Variants in SRGAP1 observed in about 807,000 individuals in gnomAD.
The protein encoded by SRGAP1 is SLIT-ROBO Rho GTPase-activating protein 1.
SRGAP1 carries 43 observed loss-of-function variants against 121.9 expected under a neutral mutation model. The observed-to-expected ratio is 0.35, with a 90% CI of 0.28 to 0.46. The LOEUF is 0.46. Among genes scored for constraint, SRGAP1 ranks in the 20% least tolerant of loss-of-function variants. SRGAP1 has a pLI of 1.00. For missense variants in SRGAP1, 1,102 were observed against 1,350.9 expected (o/e 0.82, Z 2.89); for synonymous variants, 447 against 485.4 (o/e 0.92, Z 1.04).
intron 1 of SRGAP1, among the ~76,000 whole-genome samples, chr12:63,894,980 T>C (rs1211504082): frequency 6.6e-6 from 1 of 152,206 alleles, no homozygotes; most frequent in African/African-American, 2.4e-5. Flanking sequence ...TATAATCCTT[T>C]GGGTCTATAC....
intron 1 of SRGAP1, among the ~76,000 whole-genome samples, chr12:63,874,673 A>G (rs953725550): frequency 2.0e-5 from 3 of 152,090 alleles, no homozygotes; most frequent in African/African-American, 7.2e-5. Context: ...TTATGTGTTT[A>G]TTTTCCAAAT....
chr12:63,914,576 C>T (rs1025075282), intron 1 of SRGAP1, among the ~76,000 whole-genome samples: 7 of 152,158 alleles, frequency 4.6e-5, no homozygotes, highest in East Asian at 3.8e-4. Flanking sequence ...GTATGAATTA[C>T]TTGTACCAAT....
At chr12:63,986,351 T>C (rs2033414034) in intron 2 of SRGAP1, among the ~76,000 whole-genome samples, 1 of 152,196 alleles carries the variant, frequency 6.6e-6, no homozygotes, top group African/African-American at 2.4e-5. Flanking sequence ...GCCAGTACTG[T>C]ATTCACATAG....
chr12:64,093,355 T>C (rs919129467), intron 12 of SRGAP1, among the ~76,000 whole-genome samples: 12 of 152,140 alleles, frequency 7.9e-5, no homozygotes, highest in Admixed American at 3.3e-4. Flanking sequence ...TTAGTAAATG[T>C]AAACACAAAA....
At chr12:63,985,847 GA>G (rs749865926) in intron 2 of SRGAP1, among the ~76,000 whole-genome samples, 8 of 152,138 alleles carry the variant, frequency 5.3e-5, no homozygotes, top group Non-Finnish European at 8.8e-5. Flanking sequence ...GGCACAACAA[GA>G]AGACCTGGCT....
intron 1 of SRGAP1, among the ~76,000 whole-genome samples, chr12:63,848,136 G>T (rs921518252): frequency 6.6e-6 from 1 of 151,930 alleles, no homozygotes; most frequent in Non-Finnish European, 1.5e-5. Flanking sequence ...CTCTGGAGTA[G>T]TTGGAATTAT....
intron 1 of SRGAP1, among the ~76,000 whole-genome samples, chr12:63,863,264 C>A (rs1899514045): frequency 1.4e-5 from 2 of 148,080 alleles, no homozygotes; most frequent in Admixed American, 6.8e-5. Context: ...CAAAAGGTTG[C>A]TCTTTTTTTT....
chr12:64,030,185 G>C (rs1255056954), intron 4 of SRGAP1, among the ~76,000 whole-genome samples: 1 of 152,046 alleles, frequency 6.6e-6, no homozygotes, highest in Non-Finnish European at 1.5e-5. Flanking sequence ...AATCAATAAA[G>C]AAGAAAACAT....
chr12:63,889,399 TG>T (rs966738127), intron 1 of SRGAP1, among the ~76,000 whole-genome samples: 10 of 152,320 alleles, frequency 6.6e-5, no homozygotes, highest in Non-Finnish European at 1.5e-4. Flanking sequence ...GCTTCTGGCC[TG>T]GGTGATCCCC....
chr12:64,036,708 T>G (rs889927194), intron 4 of SRGAP1, among the ~76,000 whole-genome samples: 2 of 152,234 alleles, frequency 1.3e-5, no homozygotes, highest in African/African-American at 4.8e-5. Context: ...TATTTATTGC[T>G]GGTGCTATTT....
chr12:64,046,306 T>C (rs2035128995), intron 6 of SRGAP1, among the ~76,000 whole-genome samples: 1 of 152,072 alleles, frequency 6.6e-6, no homozygotes, highest in Non-Finnish European at 1.5e-5. Flanking sequence ...GGGGAGCCAT[T>C]GAAGGGTTTT....
At chr12:63,937,043 A>G (rs561061692) in intron 1 of SRGAP1, among the ~76,000 whole-genome samples, 3 of 152,322 alleles carry the variant, frequency 2.0e-5, no homozygotes, top group East Asian at 3.9e-4. Context: ...CCCAGGTAAC[A>G]TTCTAGGAGC....
chr12:63,962,698 G>A (rs771352912), intron 1 of SRGAP1, among the ~76,000 whole-genome samples: 4 of 152,044 alleles, frequency 2.6e-5, no homozygotes, highest in African/African-American at 7.2e-5. Flanking sequence ...GTGAGCCACC[G>A]CACCCAGCCA....
chr12:64,083,577 CATT>C (rs758042595), intron 10 of SRGAP1, among the ~76,000 whole-genome samples: 6 of 152,136 alleles, frequency 3.9e-5, no homozygotes, highest in Non-Finnish European at 8.8e-5. Flanking sequence ...AGACCAAACT[CATT>C]ATTATCATTT....
chr12:63,922,364 TC>T (rs1417275522), intron 1 of SRGAP1, among the ~76,000 whole-genome samples: 5 of 152,196 alleles, frequency 3.3e-5, no homozygotes, highest in Non-Finnish European at 5.9e-5. Context: ...TCAACTGATG[TC>T]CATATGTAAA....
intron 1 of SRGAP1, among the ~76,000 whole-genome samples, chr12:63,866,405 C>T (rs973455894): frequency 6.6e-6 from 1 of 152,148 alleles, no homozygotes. Context: ...GAATATCACT[C>T]GAATCTGCTT....
intron 1 of SRGAP1, among the ~76,000 whole-genome samples, chr12:63,868,079 GTTTTTTTTTT>G (rs1565927744): frequency 1.6e-5 from 1 of 63,460 alleles, no homozygotes; most frequent in East Asian, 6.5e-4. Flanking sequence ...TTTTTTTTTT[GTTTTTTTTTT>G]TTTGTTTTTT....
intron 8 of SRGAP1, among the ~76,000 whole-genome samples, chr12:64,069,688 G>A (rs1407626975): frequency 2.6e-5 from 4 of 151,970 alleles, no homozygotes; most frequent in African/African-American, 9.7e-5. Flanking sequence ...TTTGAGACAG[G>A]GTCCCGCTCT....
At chr12:63,851,670 T>A (rs1899079288) in intron 1 of SRGAP1, among the ~76,000 whole-genome samples, 1 of 150,968 alleles carries the variant, frequency 6.6e-6, no homozygotes, top group Admixed American at 6.6e-5. Flanking sequence ...GTTCAAGTGA[T>A]CCTCCCACAT....
Sources: allele counts gnomAD v4.1 joint callset (sites outside exome capture counted in the v4.1 genomes callset), GRCh38; gene constraint gnomAD v4.1.1; transcripts MANE v1.5; gene names NCBI Gene and HGNC (gene_info 2026-07-23, HGNC 2026-07-21).